MPP4: variants seen among roughly 807,000 people sequenced by gnomAD.
MPP4 encodes the protein MAGUK p55 subfamily member 4.
A neutral mutation model predicts 98.3 loss-of-function variants in MPP4; 91 were observed. That is an observed-to-expected ratio of 0.93 (90% CI 0.78 to 1.10). The LOEUF (loss-of-function observed/expected upper bound fraction) is 1.10, where lower values mean the gene tolerates loss of function less well. Among genes scored for constraint, MPP4 ranks in the 50% least tolerant of loss-of-function variants. The pLI is 0.00. For missense variants in MPP4, 744 were observed against 792.9 expected (o/e 0.94, Z 0.74); for synonymous variants, 261 against 271.8 (o/e 0.96, Z 0.39).
chr2:201,693,276 T>C (rs1360601536), intron 2 of MPP4, among the ~76,000 whole-genome samples: 1 of 152,196 alleles, frequency 6.6e-6, no homozygotes, highest in Non-Finnish European at 1.5e-5. Flanking sequence ...ATAGTGTTGT[T>C]CTTAACACTG....
At chr2:201,653,217 T>C (rs1687764639) in intron 18 of MPP4, among the ~76,000 whole-genome samples, 1 of 152,328 alleles carries the variant, frequency 6.6e-6, no homozygotes. Flanking sequence ...TCCCAAATTA[T>C]AGCCATTGGC....
chr2:201,695,645 A>T (rs1442095176), intron 1 of MPP4, among the ~76,000 whole-genome samples: 3 of 152,184 alleles, frequency 2.0e-5, no homozygotes, highest in Non-Finnish European at 4.4e-5. Flanking sequence ...ACCAATGGCA[A>T]CATGAGGGTT....
chr2:201,698,192 C>T, intron 1 of MPP4: 1 of 578,566 alleles, frequency 1.7e-6, no homozygotes. Context: ...AATGCCACAA[C>T]CCCCTACCCT....
chr2:201,645,090 ATTG>A lies in MPP4; in HGVS notation c.*117_*119del, dbSNP rs1163726884. On this transcript the variant is annotated 3_prime_UTR_variant, in exon 22 of 22. Coordinates refer to ENST00000409474, the MANE Select transcript of MPP4 (RefSeq NM_033066.3). ...TTTTTCAAATAAGATTAATTAATAA[ATTG>A]CTGCACTTTTAAAGTTGTACACATT... The A allele has an allele frequency of 1.2e-6, 1 of 860,512 alleles. No homozygotes were observed. The highest frequency in any genetic ancestry group is 1.6e-6 in the Non-Finnish European group (1 of 623,066). 53.3% of individuals were successfully genotyped at this position (860,512 alleles called of 1,614,324 possible).
intron 10 of MPP4, among the ~76,000 whole-genome samples, chr2:201,679,041 C>T (rs1688596990): frequency 6.6e-6 from 1 of 152,100 alleles, no homozygotes; most frequent in South Asian, 2.1e-4. Context: ...AGCAATCTCT[C>T]CTTAATTTTA....
rs1223457521 is a variant in MPP4 at position 201,693,873 on chromosome 2, T to C, written c.79+3A>G. The stretch of plus-strand genomic sequence containing the variant: ...CTAGAAAAGGAGTCCTGGTGACACA[T>C]ACCATTCTGTGGATTGGTGGCTGTA... On this transcript the variant is annotated splice_donor_region_variant and intron_variant, in intron 2 of 21. Coordinates refer to ENST00000409474, the MANE Select transcript of MPP4 (RefSeq NM_033066.3). 6.2e-7 allele frequency: 1 copy of C among 1,613,776 alleles called. No homozygotes were observed. The highest frequency in any genetic ancestry group is 8.5e-7 in the Non-Finnish European group (1 of 1,179,780).
intron 12 of MPP4, among the ~76,000 whole-genome samples, chr2:201,667,363 A>G (rs1242158544): frequency 6.6e-6 from 1 of 152,184 alleles, no homozygotes; most frequent in Non-Finnish European, 1.5e-5. Flanking sequence ...CCCCTTGCAG[A>G]GCATTTTCTT....
chr2:201,653,981 CT>C (rs773754338), intron 18 of MPP4, among the ~76,000 whole-genome samples: 456 of 145,796 alleles, frequency 3.1e-3, no homozygotes, highest in African/African-American at 6.5e-3. Context: ...TAAGAAAACA[CT>C]TTTTTTTTTT....
In MPP4 at chr2:201,679,722, T is replaced by C. The variant is rs542513804; in HGVS notation, c.929+1116A>G. Among the ~76,000 whole-genome samples the C allele has an allele frequency of 2.0e-5, 3 of 152,302 alleles. No individual in the cohort carries two copies. In the East Asian group the frequency reaches 5.8e-4, roughly 29 times the overall value. On this transcript the variant is annotated intron_variant, in intron 10 of 21. Coordinates refer to ENST00000409474, the MANE Select transcript of MPP4 (RefSeq NM_033066.3). ...TGTTCCCTCTGGTGGATGACTCCCA[T>C]TACTTATGCCATCTAAAAATTTCGC... is the stretch of plus-strand genomic sequence containing the variant.
chr2:201,692,629 T>C lies in MPP4; in HGVS notation c.201+279A>G, dbSNP rs370547374. ...CCTCATGAATATGGAATTAATGCCC[T>C]TATACAAGAGACCCCAAGAGAGCTG... On this transcript the variant is annotated intron_variant, in intron 3 of 21. Transcript: ENST00000409474. Among the ~76,000 whole-genome samples the C allele has an allele frequency of 5.2e-4, 79 of 151,986 alleles. 1 individual carries two copies. Among genetic ancestry groups the C allele is most frequent in the East Asian group, 4.5e-3 (23 of 5,164 alleles).
intron 20 of MPP4, among the ~76,000 whole-genome samples, chr2:201,648,439 C>T (rs1015186031): frequency 2.0e-5 from 3 of 152,168 alleles, no homozygotes; most frequent in African/African-American, 7.2e-5. Context: ...CTCAACTCCT[C>T]AATTCTAAAA....
rs574829473 is a variant in MPP4 at position 201,698,379 on chromosome 2, A to G, written c.-101+208T>C. ...TACTCAATCTTCCTGACAACTCATT[A>G]TTCCATACTGAAGAAATGGCTTCTC... On this transcript the variant is annotated intron_variant, in intron 1 of 21. Coordinates refer to ENST00000409474, the MANE Select transcript of MPP4 (RefSeq NM_033066.3). Among the ~76,000 whole-genome samples, 51 of 152,340 alleles carry G rather than the reference A, an allele frequency of 3.3e-4. No homozygotes were observed. In the South Asian group the frequency reaches 0.01, roughly 30 times the overall value.
In MPP4 at chr2:201,694,056, T is replaced by C. The variant is rs1689109891; in HGVS notation, c.-100-2A>G. ...CACTGGCCACCAGCTCTCAGCACAC[T>C]GGAATATATTTTCAATAGCATTTCC... On this transcript the variant is annotated splice_acceptor_variant, in intron 1 of 21. Transcript: ENST00000409474. LOFTEE classifies it low-confidence loss of function (5UTR_SPLICE). The C allele has an allele frequency of 5.0e-6, 8 of 1,606,100 alleles. No individual in the cohort carries two copies. The highest frequency in any genetic ancestry group is 6.0e-6 in the Non-Finnish European group (7 of 1,175,726).
At chr2:201,662,045 T>C (rs961522025) in intron 14 of MPP4, 3 of 385,574 alleles carry the variant, frequency 7.8e-6, no homozygotes, top group Non-Finnish European at 1.5e-5. Context: ...GTAAATAATT[T>C]AGAAAAGTGG....
chr2:201,669,856 A>G (rs1438239220), intron 11 of MPP4, 106 bp from the exon 12 acceptor site: 1 of 857,092 alleles, frequency 1.2e-6, no homozygotes. Flanking sequence ...TGCAAAAATT[A>G]TTGTAATTAG....
intron 7 of MPP4, among the ~76,000 whole-genome samples, chr2:201,684,622 T>A (rs1688762105): frequency 6.6e-6 from 1 of 152,120 alleles, no homozygotes; most frequent in Admixed American, 6.5e-5. Flanking sequence ...ATCCAAGAAA[T>A]GGAACTTACT....
chr2:201,661,683 C>G, intron 14 of MPP4: 1 of 447,734 alleles, frequency 2.2e-6, no homozygotes, highest in Non-Finnish European at 4.5e-6. Flanking sequence ...GCACTTTATT[C>G]ATATAAATTA....
intron 20 of MPP4, 78 bp from the exon 21 acceptor site, chr2:201,647,903 T>A: frequency 5.1e-6 from 7 of 1,382,956 alleles, no homozygotes; most frequent in Non-Finnish European, 6.9e-6. Context: ...TCACCCAGGC[T>A]GGAGTGCTGT....
At chr2:201,647,864 G>A in intron 20 of MPP4, 39 bp from the exon 21 acceptor site, 2 of 1,551,596 alleles carry the variant, frequency 1.3e-6, no homozygotes, top group Non-Finnish European at 1.7e-6. Flanking sequence ...TTTTTTGTTT[G>A]TTTTGTTTTG....
Sources: allele counts gnomAD v4.1 joint callset (sites outside exome capture counted in the v4.1 genomes callset), GRCh38; gene constraint gnomAD v4.1.1; transcripts MANE v1.5; gene names NCBI Gene and HGNC (gene_info 2026-07-23, HGNC 2026-07-21).